The following NEGR1 variants were observed in gnomAD, a reference collection of about 807,000 sequenced individuals.
NEGR1 encodes neuronal growth regulator 1.
A neutral mutation model predicts 40.9 loss-of-function variants in NEGR1; 10 were observed. The observed-to-expected ratio is 0.24, with a 90% CI of 0.15 to 0.42. The LOEUF is 0.42. NEGR1 is among the 10% of genes least tolerant of loss of function. The probability of loss-of-function intolerance (pLI) is 1.00; values close to 1 mark genes in which losing one functional copy is unlikely to be tolerated. For missense variants in NEGR1, 352 were observed against 438.9 expected (o/e 0.80, Z 1.77); for synonymous variants, 185 against 166.8 (o/e 1.11, Z -0.84).
At position 71,608,196 on chromosome 1, in the gene NEGR1, T is replaced by C. The variant is rs148239645; in HGVS notation, c.788+2830A>G. On this transcript the variant is annotated intron_variant, in intron 5 of 6. Coordinates refer to ENST00000357731, the MANE Select transcript of NEGR1 (RefSeq NM_173808.3). ...ATTGCCTCAAATATAACCCTAAAGATGATAAATGTATGCTTCACTCTGAAC... is the reference window on the plus strand; with the variant it reads ...ATTGCCTCAAATATAACCCTAAAGACGATAAATGTATGCTTCACTCTGAAC... Among the ~76,000 whole-genome samples, 1,181 of 152,310 alleles carry C rather than the reference T, an allele frequency of 7.8e-3. 28 individuals are homozygous for C. Among genetic ancestry groups the C allele is most frequent in the African/African-American group, 0.027 (1,134 of 41,550 alleles).
chr1:72,145,793 T>C (rs1456152148), intron 1 of NEGR1, among the ~76,000 whole-genome samples: 1 of 152,184 alleles, frequency 6.6e-6, no homozygotes, highest in South Asian at 2.1e-4. Flanking sequence ...CATAAAGCAA[T>C]ACTACTAACA....
intron 1 of NEGR1, among the ~76,000 whole-genome samples, chr1:71,987,392 T>C (rs188033954): frequency 1.4e-3 from 216 of 151,996 alleles, no homozygotes; most frequent in Non-Finnish European, 9.4e-4. Context: ...CAGGGAGAAA[T>C]ACAAACCACT....
At chr1:72,187,464 A>G (rs1652653514) in intron 1 of NEGR1, among the ~76,000 whole-genome samples, 1 of 151,414 alleles carries the variant, frequency 6.6e-6, no homozygotes. Flanking sequence ...GCATCTTTGA[A>G]TGCTACTCAT....
intron 1 of NEGR1, among the ~76,000 whole-genome samples, chr1:71,983,296 A>G (rs964308967): frequency 6.6e-6 from 1 of 152,172 alleles, no homozygotes; most frequent in African/African-American, 2.4e-5. Context: ...TTTAACTTCA[A>G]TACATTGATG....
intron 1 of NEGR1, among the ~76,000 whole-genome samples, chr1:72,089,747 C>T (rs1017252867): frequency 6.6e-5 from 10 of 151,962 alleles, no homozygotes; most frequent in Non-Finnish European, 1.3e-4. Context: ...CCTATGTCTA[C>T]TTGGGGCACT....
chr1:71,584,917 A>G (rs1230395358), intron 6 of NEGR1, among the ~76,000 whole-genome samples: 1 of 152,168 alleles, frequency 6.6e-6, no homozygotes, highest in African/African-American at 2.4e-5. Flanking sequence ...GAGCTGTGTG[A>G]AATAAAATAG....
chr1:71,899,003 T>TATATATAGC (rs1661069687), intron 2 of NEGR1, among the ~76,000 whole-genome samples: 2 of 111,498 alleles, frequency 1.8e-5, no homozygotes, highest in Non-Finnish European at 3.9e-5. Flanking sequence ...TATATATATA[T>TATATATAGC]ATATATATAT....
intron 1 of NEGR1, among the ~76,000 whole-genome samples, chr1:72,211,970 T>G (rs1570127228): frequency 6.6e-6 from 1 of 151,994 alleles, no homozygotes; most frequent in Non-Finnish European, 1.5e-5. Context: ...AACCAGATTT[T>G]GGAAAATGTT....
intron 1 of NEGR1, among the ~76,000 whole-genome samples, chr1:72,255,044 C>A (rs1655221312): frequency 6.6e-6 from 1 of 152,130 alleles, no homozygotes; most frequent in Non-Finnish European, 1.5e-5. Context: ...TCTATTTTCT[C>A]AAATGCTCAG....
intron 1 of NEGR1, among the ~76,000 whole-genome samples, chr1:72,265,940 C>G (rs181475879): frequency 1.3e-5 from 2 of 150,750 alleles, no homozygotes; most frequent in African/African-American, 4.8e-5. Flanking sequence ...AGTATGTACT[C>G]TAGAATTGAA....
intron 1 of NEGR1, among the ~76,000 whole-genome samples, chr1:72,272,033 G>C (rs1040902055): frequency 6.6e-6 from 1 of 151,740 alleles, no homozygotes; most frequent in African/African-American, 2.4e-5. Context: ...TTTACCAGCA[G>C]TATGAAAACA....
chr1:71,846,517 C>T (rs959292744), intron 2 of NEGR1, among the ~76,000 whole-genome samples: 4 of 152,064 alleles, frequency 2.6e-5, no homozygotes, highest in African/African-American at 9.7e-5. Flanking sequence ...AAAGCTGACT[C>T]TCTCATCCTC....
intron 1 of NEGR1, among the ~76,000 whole-genome samples, chr1:72,094,225 T>C (rs987029614): frequency 6.6e-6 from 1 of 152,046 alleles, no homozygotes; most frequent in Admixed American, 6.6e-5. Flanking sequence ...AAAAGGGTTA[T>C]AAAGAAAATT....
At chr1:71,848,836 C>T (rs1037452409) in intron 2 of NEGR1, among the ~76,000 whole-genome samples, 27 of 152,058 alleles carry the variant, frequency 1.8e-4, no homozygotes, top group African/African-American at 6.0e-4. Flanking sequence ...GCCTGTAATC[C>T]CAGCACTTTG....
chr1:72,049,429 G>A (rs529676089), intron 1 of NEGR1, among the ~76,000 whole-genome samples: 1 of 151,746 alleles, frequency 6.6e-6, no homozygotes, highest in South Asian at 2.1e-4. Flanking sequence ...AGAGAAAATA[G>A]TAAGTACAAA....
intron 1 of NEGR1, among the ~76,000 whole-genome samples, chr1:72,025,094 AG>A (rs1022409773): frequency 5.9e-5 from 9 of 152,190 alleles, no homozygotes; most frequent in African/African-American, 2.2e-4. Flanking sequence ...AAACCAAAGA[AG>A]TCTATTAAAC....
At chr1:72,256,855 C>T (rs1655286419) in intron 1 of NEGR1, among the ~76,000 whole-genome samples, 1 of 152,086 alleles carries the variant, frequency 6.6e-6, no homozygotes, top group Non-Finnish European at 1.5e-5. Context: ...AACACAAATA[C>T]TAATTTAAAC....
intron 4 of NEGR1, among the ~76,000 whole-genome samples, chr1:71,612,657 T>G (rs181594320): frequency 2.0e-5 from 3 of 152,252 alleles, no homozygotes; most frequent in Admixed American, 2.0e-4. Flanking sequence ...AATCAGAGAA[T>G]GGAATGGAAT....
chr1:71,639,223 A>AT (rs1398511089), intron 4 of NEGR1, among the ~76,000 whole-genome samples: 1 of 150,768 alleles, frequency 6.6e-6, no homozygotes. Context: ...AAAAAAAAAA[A>AT]CAGGACACAA....
Sources: allele counts gnomAD v4.1 joint callset (sites outside exome capture counted in the v4.1 genomes callset), GRCh38; gene constraint gnomAD v4.1.1; transcripts MANE v1.5; gene names NCBI Gene and HGNC (gene_info 2026-07-23, HGNC 2026-07-21).